KIF26B: variants seen among roughly 807,000 people sequenced by gnomAD.
The protein encoded by KIF26B is kinesin family member 26B, also known as kinesin-like protein KIF26B.
In KIF26B, 63 loss-of-function variants were observed where a neutral mutation model predicts 151.2. The observed-to-expected ratio is 0.42, with a 90% CI of 0.34 to 0.51. The LOEUF is 0.51. Ranked by LOEUF, KIF26B falls within the 20% of genes least tolerant of loss-of-function variation. The pLI, the probability that KIF26B is intolerant of heterozygous loss-of-function variation, is 0.07. For synonymous variants in KIF26B, 1,357 were observed against 1,262.1 expected (o/e 1.08, Z -1.59); for missense variants, 2,813 against 2,913.6 (o/e 0.97, Z 0.79).
chr1:245,445,345 A>G (rs1659221943), intron 4 of KIF26B, among the ~76,000 whole-genome samples: 1 of 152,262 alleles, frequency 6.6e-6, no homozygotes, highest in Non-Finnish European at 1.5e-5. Flanking sequence ...AAGTGTTCAT[A>G]TGATGCTAAT....
chr1:245,427,334 G>T (rs578245756), intron 4 of KIF26B, among the ~76,000 whole-genome samples: 1 of 152,186 alleles, frequency 6.6e-6, no homozygotes, highest in Non-Finnish European at 1.5e-5. Flanking sequence ...CAGGCCAGGC[G>T]TGGTGGCTCA....
chr1:245,528,330 G>A (rs867178484), intron 4 of KIF26B, among the ~76,000 whole-genome samples: 3 of 152,300 alleles, frequency 2.0e-5, no homozygotes, highest in Middle Eastern at 3.4e-3. Context: ...CAGGTGCACG[G>A]CGGCTGTCAG....
intron 4 of KIF26B, among the ~76,000 whole-genome samples, chr1:245,462,706 A>C (rs184264819): frequency 6.6e-6 from 1 of 152,190 alleles, no homozygotes; most frequent in Non-Finnish European, 1.5e-5. Context: ...GCTCACAGTA[A>C]CCATTGAGGG....
rs770922478 is a variant in KIF26B, at chr1:245,687,669, C to T, written c.4686C>T (p.Asn1562=). ...SLSYYCAAET[N]GVGAASGTPP... Reference sequence around the variant, plus strand: ...CCTATTACTGCGCTGCTGAGACCAACGGGGTGGGTGCAGCCTCGGGCACCC... The same window carrying T: ...CCTATTACTGCGCTGCTGAGACCAATGGGGTGGGTGCAGCCTCGGGCACCC... Residue 1562 remains asparagine (N), a synonymous_variant, in exon 12 of 15, where the codon AAC becomes AAT. Transcript: ENST00000407071. The surrounding 1 kb of genome is among the most constrained non-coding windows in gnomAD (Gnocchi z 4.9). 4.4e-6 allele frequency: 7 copies of T among 1,577,274 alleles called. No individual in the cohort carries two copies. Among genetic ancestry groups the T allele is most frequent in the Admixed American group, 1.8e-5 (1 of 55,366 alleles).
chr1:245,256,080 C>T (rs1422491505), intron 2 of KIF26B, among the ~76,000 whole-genome samples: 1 of 152,174 alleles, frequency 6.6e-6, no homozygotes, highest in Non-Finnish European at 1.5e-5. Flanking sequence ...CTCCTTCCTA[C>T]CTGCCTTGTG....
intron 4 of KIF26B, among the ~76,000 whole-genome samples, chr1:245,523,502 G>A (rs1661176833): frequency 6.6e-6 from 1 of 152,136 alleles, no homozygotes; most frequent in African/African-American, 2.4e-5. Flanking sequence ...ATAAACAACG[G>A]AAGTTTATTT....
chr1:245,232,756 G>A (rs529828664), intron 2 of KIF26B, among the ~76,000 whole-genome samples: 2 of 152,102 alleles, frequency 1.3e-5, no homozygotes, highest in Admixed American at 1.3e-4. Context: ...CTCCATGTTG[G>A]TCAGGCTGGT....
At chr1:245,296,465 C>T (rs1264128691) in intron 2 of KIF26B, among the ~76,000 whole-genome samples, 1 of 151,918 alleles carries the variant, frequency 6.6e-6, no homozygotes, top group Admixed American at 6.6e-5. Context: ...ATAAGGGCCC[C>T]GACACAGGTG....
At position 245,507,032 on chromosome 1, in the gene KIF26B, C is replaced by G. The variant is rs541355189; in HGVS notation, c.1167-33735C>G. On this transcript the variant is annotated intron_variant, in intron 4 of 14. Transcript: ENST00000407071. ...TATTGGTCCAGGGAGGGTAGACTTCCTCATACCTCCCAGGAGGCCCGAGGG... is the reference window on the plus strand; with the variant it reads ...TATTGGTCCAGGGAGGGTAGACTTCGTCATACCTCCCAGGAGGCCCGAGGG... Among the ~76,000 whole-genome samples, 42 of 152,240 alleles carry G rather than the reference C, an allele frequency of 2.8e-4. No homozygotes were observed. In the South Asian group the frequency reaches 8.7e-3, roughly 32 times the overall value.
At chr1:245,175,976 C>A (rs1458299556) in intron 2 of KIF26B, among the ~76,000 whole-genome samples, 1 of 143,612 alleles carries the variant, frequency 7.0e-6, no homozygotes, top group African/African-American at 2.6e-5. Flanking sequence ...ATATAGACAT[C>A]TATATATATA....
Position 245,702,678 on chromosome 1 carries a change from T to C in KIF26B, c.*72T>C. On this transcript the variant is annotated 3_prime_UTR_variant, in exon 15 of 15. Transcript: ENST00000407071. The surrounding 1 kb of genome is among the most constrained non-coding windows in gnomAD (Gnocchi z 4.1). ...AGAGATGTTGCACGCCCCTAGGCCCTCTGTGCTGGGGCATCAAAGACAATG... is the reference window on the plus strand; with the variant it reads ...AGAGATGTTGCACGCCCCTAGGCCCCCTGTGCTGGGGCATCAAAGACAATG... 6.7e-7 allele frequency: 1 copy of C among 1,503,470 alleles called. No homozygotes were observed. The highest frequency in any genetic ancestry group is 9.0e-7 in the Non-Finnish European group (1 of 1,106,362). 93.1% of individuals were successfully genotyped at this position (1,503,470 alleles called of 1,614,324 possible). A position where few individuals can be genotyped will look rare whatever the true frequency, so the allele number is the denominator to read the frequency against.
chr1:245,539,881 G>A (rs1300271043), intron 4 of KIF26B, among the ~76,000 whole-genome samples: 10 of 152,162 alleles, frequency 6.6e-5, no homozygotes, highest in African/African-American at 2.4e-4. Flanking sequence ...TCGAACTCCT[G>A]ACCTCAGGTG....
chr1:245,229,643 A>T (rs1005309958), intron 2 of KIF26B, among the ~76,000 whole-genome samples: 1 of 152,196 alleles, frequency 6.6e-6, no homozygotes, highest in Admixed American at 6.5e-5. Flanking sequence ...TTTTAGCCTC[A>T]TCCTATTCCT....
At chr1:245,521,823 T>C (rs1418384608) in intron 4 of KIF26B, among the ~76,000 whole-genome samples, 1 of 152,184 alleles carries the variant, frequency 6.6e-6, no homozygotes, top group South Asian at 2.1e-4. Flanking sequence ...TTACAGCCCA[T>C]TGTAAGAAGC....
intron 2 of KIF26B, among the ~76,000 whole-genome samples, chr1:245,250,766 T>C (rs1480631157): frequency 6.6e-6 from 1 of 152,242 alleles, no homozygotes; most frequent in African/African-American, 2.4e-5. Context: ...TTTTTTCTCA[T>C]TGTATTGTCT....
intron 2 of KIF26B, among the ~76,000 whole-genome samples, chr1:245,199,123 G>A (rs1331982687): frequency 6.6e-6 from 1 of 152,000 alleles, no homozygotes; most frequent in Non-Finnish European, 1.5e-5. Flanking sequence ...TGGTGACAGA[G>A]CTAAGGCAAG....
intron 8 of KIF26B, among the ~76,000 whole-genome samples, chr1:245,610,149 T>TAAC (rs1294966893): frequency 1.3e-5 from 2 of 152,224 alleles, no homozygotes; most frequent in Non-Finnish European, 2.9e-5. Context: ...TTCCAGTCTC[T>TAAC]AACAGTAGGC....
At chr1:245,673,881 CT>C (rs2044325740) in intron 10 of KIF26B, 1 of 152,174 alleles carries the variant, frequency 6.6e-6, no homozygotes, top group Non-Finnish European at 1.5e-5. Context: ...CAGTTTCTTT[CT>C]TCCTGAGAAT....
At position 245,358,606 on chromosome 1, in the gene KIF26B, TA is replaced by T. The variant is rs1672748866; in HGVS notation, c.466-8226del. Among the ~76,000 whole-genome samples, 2 of 152,220 alleles carry T rather than the reference TA, an allele frequency of 1.3e-5. No individual in the cohort carries two copies. The highest frequency in any genetic ancestry group is 6.5e-5 in the Admixed American group (1 of 15,272). On this transcript the variant is annotated intron_variant, in intron 2 of 14. Transcript: ENST00000407071. This position sits in a 1 kb window ranked among gnomAD's most constrained non-coding sequence, Gnocchi z 4.1. Reference sequence around the variant, plus strand: ...AGTCAATTAAAAGAAAAAGAAACATTAAGCAATTTTATAATTAGATAATTAA... The same window carrying T: ...AGTCAATTAAAAGAAAAAGAAACATTAGCAATTTTATAATTAGATAATTAA...
Sources: allele counts gnomAD v4.1 joint callset (sites outside exome capture counted in the v4.1 genomes callset), GRCh38; gene constraint gnomAD v4.1.1; non-coding constraint Gnocchi (gnomAD v3.1); transcripts MANE v1.5; gene names NCBI Gene and HGNC (gene_info 2026-07-23, HGNC 2026-07-21).